KALRN: variants seen among roughly 807,000 people sequenced by gnomAD.
KALRN encodes kalirin.
KALRN carries 70 observed loss-of-function variants against 353.7 expected under a neutral mutation model. The observed-to-expected ratio is 0.20, with a 90% confidence interval of 0.16 to 0.24. The LOEUF (loss-of-function observed/expected upper bound fraction) is 0.24, where lower values mean the gene tolerates loss of function less well. Among genes scored for constraint, KALRN ranks in the 10% least tolerant of loss-of-function variants. The pLI is 1.00. For synonymous variants in KALRN, 1,391 were observed against 1,434.8 expected (o/e 0.97, Z 0.69); for missense variants, 2,791 against 3,756.7 (o/e 0.74, Z 6.72).
chr3:124,480,454 T>C (rs569302446), intron 27 of KALRN, among the ~76,000 whole-genome samples: 1 of 152,320 alleles, frequency 6.6e-6, no homozygotes, highest in Non-Finnish European at 1.5e-5. Flanking sequence ...TCTTTTATTC[T>C]TCCCAATGCT....
At chr3:124,654,898 G>A (rs2150145307) in intron 38 of KALRN, among the ~76,000 whole-genome samples, 1 of 152,338 alleles carries the variant, frequency 6.6e-6, no homozygotes, top group East Asian at 1.9e-4. Flanking sequence ...GTAAATGGTA[G>A]AAAGAATTAA....
intron 55 of KALRN, among the ~76,000 whole-genome samples, chr3:124,697,978 A>AC (rs1553737593): frequency 2.0e-5 from 3 of 151,172 alleles, no homozygotes; most frequent in Non-Finnish European, 4.4e-5. Context: ...TTTATTGTTT[A>AC]TTTTTTTTGA....
intron 57 of KALRN, among the ~76,000 whole-genome samples, chr3:124,712,157 A>G (rs1162388365): frequency 6.6e-6 from 1 of 152,158 alleles, no homozygotes; most frequent in Non-Finnish European, 1.5e-5. Flanking sequence ...TAAAGAACAT[A>G]TTCATGTAAC....
intron 6 of KALRN, among the ~76,000 whole-genome samples, chr3:124,321,546 T>C (rs1241087346): frequency 6.6e-6 from 1 of 152,218 alleles, no homozygotes; most frequent in Admixed American, 6.5e-5. Context: ...TGCCAAGCAG[T>C]TCTTTCAGGA....
At chr3:124,440,198 C>T (rs2093624856) in intron 18 of KALRN, among the ~76,000 whole-genome samples, 1 of 151,732 alleles carries the variant, frequency 6.6e-6, no homozygotes, top group Non-Finnish European at 1.5e-5. Context: ...TAAAGTTTTC[C>T]CTATTACAAA....
intron 33 of KALRN, among the ~76,000 whole-genome samples, chr3:124,537,458 A>G (rs2068625800): frequency 6.6e-6 from 1 of 152,226 alleles, no homozygotes; most frequent in Admixed American, 6.5e-5. Flanking sequence ...TCATTCTGCT[A>G]GAGTGAAAAG....
chr3:124,165,426 C>G (rs2070679310), intron 1 of KALRN, among the ~76,000 whole-genome samples: 1 of 151,828 alleles, frequency 6.6e-6, no homozygotes, highest in African/African-American at 2.4e-5. Context: ...TTTTAAGAGA[C>G]AAGATTGAGA....
intron 14 of KALRN, among the ~76,000 whole-genome samples, chr3:124,417,894 G>T (rs1416171914): frequency 6.6e-6 from 1 of 152,220 alleles, no homozygotes; most frequent in Non-Finnish European, 1.5e-5. Context: ...TCTAGCACAT[G>T]CTGCATTCTG....
chr3:124,430,975 A>G (rs2093247905), intron 16 of KALRN, among the ~76,000 whole-genome samples, 200 bp downstream of exon 16: 1 of 152,236 alleles, frequency 6.6e-6, no homozygotes, highest in East Asian at 1.9e-4. Context: ...GAGGCCTGGT[A>G]TTAGAAAACA....
chr3:124,092,418 T>A (rs769855842), intron 1 of KALRN, among the ~76,000 whole-genome samples: 2 of 152,254 alleles, frequency 1.3e-5, no homozygotes, highest in Non-Finnish European at 2.9e-5. Context: ...CTTTTTGGCA[T>A]TCTTACTTGG....
chr3:124,112,369 C>T (rs2063069375), intron 1 of KALRN, among the ~76,000 whole-genome samples: 1 of 151,080 alleles, frequency 6.6e-6, no homozygotes, highest in Admixed American at 6.6e-5. Flanking sequence ...CCTAGCAGGG[C>T]AGAAGGTTTT....
intron 34 of KALRN, among the ~76,000 whole-genome samples, chr3:124,603,677 T>C (rs568140892): frequency 6.6e-6 from 1 of 152,218 alleles, no homozygotes; most frequent in African/African-American, 2.4e-5. Flanking sequence ...CCCACGAGCA[T>C]GGATATTAAA....
chr3:124,574,903 G>A (rs2073932197), intron 34 of KALRN, among the ~76,000 whole-genome samples: 1 of 152,206 alleles, frequency 6.6e-6, no homozygotes, highest in African/African-American at 2.4e-5. Context: ...GGAGCTCTCA[G>A]CAACAGGATT....
chr3:124,495,522 G>A (rs1020421374), intron 32 of KALRN, among the ~76,000 whole-genome samples: 4 of 151,842 alleles, frequency 2.6e-5, no homozygotes, highest in African/African-American at 9.7e-5. Flanking sequence ...GATCACCTGA[G>A]GTCAGGAGTT....
chr3:124,214,674 G>C (rs565536111), intron 1 of KALRN, among the ~76,000 whole-genome samples: 2 of 152,196 alleles, frequency 1.3e-5, no homozygotes, highest in East Asian at 1.9e-4. Context: ...AGCAACCTGG[G>C]GACATTTATT....
intron 9 of KALRN, among the ~76,000 whole-genome samples, chr3:124,339,496 TGG>T (rs1245275349): frequency 1.3e-5 from 2 of 152,212 alleles, no homozygotes; most frequent in African/African-American, 2.4e-5. Context: ...TGCTGGTAAT[TGG>T]GCATTTCAAG....
At chr3:124,657,382 G>A (rs2084198576) in intron 39 of KALRN, 66 bp from the exon 40 acceptor site, 2 of 1,071,806 alleles carry the variant, frequency 1.9e-6, no homozygotes, top group Non-Finnish European at 2.9e-6. Flanking sequence ...GTGCTGTGGT[G>A]TGTGGCATGG....
intron 3 of KALRN, among the ~76,000 whole-genome samples, chr3:124,260,932 C>T (rs970806206): frequency 4.6e-5 from 7 of 152,134 alleles, no homozygotes; most frequent in Admixed American, 6.5e-5. Context: ...TCTGAGTCCC[C>T]TAACTTAATC....
At chr3:124,445,963 ACTC>A (rs1003094241) in intron 19 of KALRN, among the ~76,000 whole-genome samples, 195 bp from the exon 20 acceptor site, 1 of 151,940 alleles carries the variant, frequency 6.6e-6, no homozygotes, top group African/African-American at 2.4e-5. Flanking sequence ...CTCCCCCTAG[ACTC>A]CTCGACCTTG....
Sources: allele counts gnomAD v4.1 joint callset (sites outside exome capture counted in the v4.1 genomes callset), GRCh38; gene constraint gnomAD v4.1.1; transcripts MANE v1.5; gene names NCBI Gene and HGNC (gene_info 2026-07-23, HGNC 2026-07-21).